KIAA0825: variants seen among roughly 807,000 people sequenced by gnomAD.
The protein encoded by KIAA0825 is uncharacterized protein KIAA0825.
A neutral mutation model predicts 147.6 loss-of-function variants in KIAA0825; 119 were observed. That is an observed-to-expected ratio of 0.81 (90% confidence interval 0.69 to 0.94). The LOEUF is 0.94. Among genes scored for constraint, KIAA0825 ranks in the 40% least tolerant of loss-of-function variants. The probability of loss-of-function intolerance (pLI) is 0.00; values close to 1 mark genes in which losing one functional copy is unlikely to be tolerated. For synonymous variants in KIAA0825, 470 were observed against 518.1 expected, an observed-to-expected ratio of 0.91 and a Z score of 1.26; for missense variants, 1,381 against 1,472.7, an observed-to-expected ratio of 0.94 and a Z score of 1.02.
intron 20 of KIAA0825, among the ~76,000 whole-genome samples, chr5:94,293,631 T>C (rs1778002366): frequency 6.6e-6 from 1 of 152,218 alleles, no homozygotes; most frequent in African/African-American, 2.4e-5. Context: ...TTAGGTCTGC[T>C]TGGTCCAGAG....
intron 5 of KIAA0825, among the ~76,000 whole-genome samples, chr5:94,489,652 G>A (rs2151068513): frequency 6.6e-6 from 1 of 151,714 alleles, no homozygotes; most frequent in African/African-American, 2.4e-5. Context: ...TTGGGAGGCT[G>A]AGGTGGGTGG....
intron 20 of KIAA0825, among the ~76,000 whole-genome samples, chr5:94,360,146 AATTAGGTCCT>A (rs1744864493): frequency 6.6e-6 from 1 of 152,132 alleles, no homozygotes; most frequent in South Asian, 2.1e-4. Flanking sequence ...ACGACATGTG[AATTAGGTCCT>A]AAAGGTAGGC....
chr5:94,376,091 C>A (rs1747521717), intron 20 of KIAA0825, among the ~76,000 whole-genome samples: 2 of 152,086 alleles, frequency 1.3e-5, no homozygotes, highest in African/African-American at 4.8e-5. Flanking sequence ...ATGATACCTA[C>A]TTTGTAAGGT....
intron 5 of KIAA0825, among the ~76,000 whole-genome samples, chr5:94,505,380 T>TCA (rs1765626718): frequency 6.7e-6 from 1 of 149,546 alleles, no homozygotes; most frequent in South Asian, 2.1e-4. Context: ...AAAAAAAAAG[T>TCA]TAATCTCATA....
intron 20 of KIAA0825, among the ~76,000 whole-genome samples, chr5:94,256,298 A>G (rs976809728): frequency 3.9e-5 from 6 of 152,098 alleles, no homozygotes; most frequent in Admixed American, 6.6e-5. Context: ...TCATGTCTCT[A>G]TTATTAAATC....
chr5:94,388,615 C>T (rs755741347), intron 18 of KIAA0825, among the ~76,000 whole-genome samples: 5 of 152,174 alleles, frequency 3.3e-5, no homozygotes, highest in South Asian at 2.1e-4. Context: ...TTTCGCCTTA[C>T]GTAACTACAT....
intron 5 of KIAA0825, among the ~76,000 whole-genome samples, chr5:94,516,525 C>T (rs1337322840): frequency 4.6e-5 from 7 of 152,010 alleles, no homozygotes; most frequent in South Asian, 2.1e-4. Context: ...AAACGTGGGC[C>T]GGGCGCGGTG....
chr5:94,349,121 A>G (rs1366887056), intron 20 of KIAA0825, among the ~76,000 whole-genome samples: 1 of 152,210 alleles, frequency 6.6e-6, no homozygotes, highest in Non-Finnish European at 1.5e-5. Context: ...GCAAATGGAC[A>G]CCAAAAGCAA....
chr5:94,155,160 G>A (rs902879158), intron 20 of KIAA0825, among the ~76,000 whole-genome samples: 2 of 151,576 alleles, frequency 1.3e-5, no homozygotes, highest in African/African-American at 4.8e-5. Flanking sequence ...AATTTAGGGT[G>A]GAATTTTCTG....
At chr5:94,352,147 G>A (rs1783740717) in intron 20 of KIAA0825, among the ~76,000 whole-genome samples, 1 of 152,186 alleles carries the variant, frequency 6.6e-6, no homozygotes, top group Non-Finnish European at 1.5e-5. Flanking sequence ...CAGAGTGGGA[G>A]GAAATCTTCA....
At chr5:94,412,660 A>G (rs1409112302) in intron 15 of KIAA0825, among the ~76,000 whole-genome samples, 1 of 152,080 alleles carries the variant, frequency 6.6e-6, no homozygotes, top group African/African-American at 2.4e-5. Context: ...CGGCCTCCCA[A>G]AGTGCTGGGA....
chr5:94,236,145 C>T (rs976155110), intron 20 of KIAA0825, among the ~76,000 whole-genome samples: 7 of 152,138 alleles, frequency 4.6e-5, no homozygotes, highest in Admixed American at 4.6e-4. Flanking sequence ...GATAGTGATT[C>T]CTCTGATGGA....
intron 20 of KIAA0825, among the ~76,000 whole-genome samples, chr5:94,274,052 A>C (rs1200836203): frequency 6.6e-6 from 1 of 152,188 alleles, no homozygotes; most frequent in Non-Finnish European, 1.5e-5. Context: ...TTTGAGAGTC[A>C]ATAGCTAGAA....
At chr5:94,177,968 G>T (rs563016960) in intron 20 of KIAA0825, among the ~76,000 whole-genome samples, 2 of 152,058 alleles carry the variant, frequency 1.3e-5, no homozygotes, top group East Asian at 1.9e-4. Flanking sequence ...TTAATAAATG[G>T]CAGTATTGTA....
intron 1 of KIAA0825, chr5:94,593,677 C>A: frequency 2.5e-6 from 1 of 404,518 alleles, no homozygotes. Context: ...AAATTCATGT[C>A]TGATTAAAAG....
At chr5:94,469,134 A>T (rs1423786854) in intron 10 of KIAA0825, among the ~76,000 whole-genome samples, 1 of 152,138 alleles carries the variant, frequency 6.6e-6, no homozygotes, top group Non-Finnish European at 1.5e-5. Context: ...AACATGGCTA[A>T]ATGAAAATAG....
chr5:94,486,349 T>C (rs1763058207), intron 5 of KIAA0825, among the ~76,000 whole-genome samples: 1 of 152,006 alleles, frequency 6.6e-6, no homozygotes, highest in Non-Finnish European at 1.5e-5. Context: ...AGAAGGAAGA[T>C]TCCAGAAATC....
At chr5:94,259,913 C>A (rs2150130762) in intron 20 of KIAA0825, among the ~76,000 whole-genome samples, 1 of 151,936 alleles carries the variant, frequency 6.6e-6, no homozygotes, top group African/African-American at 2.4e-5. Context: ...GGCCATGTGG[C>A]TGAATATCCT....
intron 12 of KIAA0825, among the ~76,000 whole-genome samples, chr5:94,458,758 A>G (rs959980210): frequency 6.6e-6 from 1 of 152,052 alleles, no homozygotes; most frequent in Non-Finnish European, 1.5e-5. Flanking sequence ...TTTTTAAAAA[A>G]AAAAAATCAT....
Sources: gnomAD v4.1 joint callset for allele counts (sites outside exome capture counted in the v4.1 genomes callset) on GRCh38, gnomAD v4.1.1 for gene constraint, MANE v1.5 for transcripts, NCBI Gene and HGNC (gene_info 2026-07-23, HGNC 2026-07-21) for gene names.